The following METAP1 variants were observed in gnomAD, a reference collection of about 807,000 sequenced individuals.
METAP1 encodes methionyl aminopeptidase 1.
A neutral mutation model predicts 53.8 loss-of-function variants in METAP1; 28 were observed. That is an observed-to-expected ratio of 0.52 (90% CI 0.39 to 0.71). The LOEUF (loss-of-function observed/expected upper bound fraction) is 0.71. METAP1 is among the 30% of genes least tolerant of loss of function. The probability of loss-of-function intolerance (pLI) is 0.00; values close to 1 mark genes in which losing one functional copy is unlikely to be tolerated. For synonymous variants in METAP1, 181 were observed against 165.7 expected, an observed-to-expected ratio of 1.09 and a Z score of -0.71; for missense variants, 389 against 479.8, an observed-to-expected ratio of 0.81 and a Z score of 1.77.
chr4:99,055,557 T>C (rs1727051914), intron 9 of METAP1, among the ~76,000 whole-genome samples: 1 of 152,226 alleles, frequency 6.6e-6, no homozygotes, highest in South Asian at 2.1e-4. Flanking sequence ...TGCGATAGTA[T>C]AGTCACTCAG....
chr4:99,010,669 C>G (rs959738999), intron 1 of METAP1, among the ~76,000 whole-genome samples: 6 of 152,170 alleles, frequency 3.9e-5, no homozygotes, highest in African/African-American at 1.4e-4. Flanking sequence ...CTTGAGATTT[C>G]ATATGAATTT....
intron 9 of METAP1, among the ~76,000 whole-genome samples, chr4:99,053,443 G>A (rs928719195): frequency 6.6e-6 from 1 of 152,138 alleles, no homozygotes; most frequent in Non-Finnish European, 1.5e-5. Context: ...AGTAGAAATG[G>A]GATTTTACTG....
At chr4:99,008,802 CAAAAT>C (rs981248274) in intron 1 of METAP1, among the ~76,000 whole-genome samples, 15 of 152,198 alleles carry the variant, frequency 9.9e-5, no homozygotes, top group African/African-American at 2.6e-4. Flanking sequence ...TTTTATCTTT[CAAAAT>C]AAAATAGAAT....
chr4:99,055,132 T>G (rs192611728), intron 9 of METAP1, among the ~76,000 whole-genome samples: 109 of 151,972 alleles, frequency 7.2e-4, no homozygotes, highest in Non-Finnish European at 1.1e-3. Context: ...GGCTCATACC[T>G]GTAATTCCAG....
At chr4:99,004,496 C>T (rs1238122383) in intron 1 of METAP1, among the ~76,000 whole-genome samples, 1 of 134,358 alleles carries the variant, frequency 7.4e-6, no homozygotes, top group Non-Finnish European at 1.6e-5. Context: ...CACACACACA[C>T]ACACACACAC....
At chr4:99,018,773 G>A (rs1300786161) in intron 1 of METAP1, among the ~76,000 whole-genome samples, 1 of 152,166 alleles carries the variant, frequency 6.6e-6, no homozygotes, top group Non-Finnish European at 1.5e-5. Flanking sequence ...AGACATGCAA[G>A]GCTCTAAAAG....
intron 10 of METAP1, among the ~76,000 whole-genome samples, chr4:99,058,690 C>T (rs993333152): frequency 1.3e-5 from 2 of 152,142 alleles, no homozygotes; most frequent in Non-Finnish European, 2.9e-5. Flanking sequence ...GGAGTGACTT[C>T]TATATTGTCT....
chr4:99,038,838 C>T (rs958277255), intron 4 of METAP1, among the ~76,000 whole-genome samples: 13 of 152,018 alleles, frequency 8.6e-5, no homozygotes, highest in Admixed American at 2.6e-4. Flanking sequence ...CCGTATAATA[C>T]GAGTATAATA....
At chr4:99,016,804 T>C (rs776521904) in intron 1 of METAP1, among the ~76,000 whole-genome samples, 20 of 152,102 alleles carry the variant, frequency 1.3e-4, no homozygotes, top group Admixed American at 2.6e-4. Flanking sequence ...AGGGTGTAGA[T>C]CCCAGTACAT....
intron 1 of METAP1, among the ~76,000 whole-genome samples, chr4:99,018,023 A>G (rs62323257): frequency 0.022 from 3,345 of 152,380 alleles, 48 homozygotes; most frequent in Non-Finnish European, 0.035. Context: ...TATTTGGTCT[A>G]CTTCATCAGA....
At chr4:99,001,450 C>G (rs950127003) in intron 1 of METAP1, among the ~76,000 whole-genome samples, 1 of 152,120 alleles carries the variant, frequency 6.6e-6, no homozygotes, top group African/African-American at 2.4e-5. Flanking sequence ...GGTGTGTATT[C>G]TTAAGAACAT....
At chr4:99,022,869 T>C in intron 1 of METAP1, 1 of 1,539,462 alleles carries the variant, frequency 6.5e-7, no homozygotes, top group Non-Finnish European at 8.8e-7. Context: ...TGCTGCTGCC[T>C]TCTTTTTGCA....
chr4:99,052,527 T>C (rs1227213014), intron 9 of METAP1, among the ~76,000 whole-genome samples: 1 of 151,076 alleles, frequency 6.6e-6, no homozygotes, highest in African/African-American at 2.4e-5. Context: ...AGAGAGAGAG[T>C]GCATGGGAGG....
At chr4:99,041,211 G>A (rs1725840545) in intron 6 of METAP1, 85 bp downstream of exon 6, 1 of 935,428 alleles carries the variant, frequency 1.1e-6, no homozygotes, top group Admixed American at 2.4e-5. Flanking sequence ...TTTAAGTTCT[G>A]AGTGTCTAAG....
At chr4:99,023,990 A>G (rs1206571660) in intron 1 of METAP1, among the ~76,000 whole-genome samples, 4 of 152,190 alleles carry the variant, frequency 2.6e-5, no homozygotes, top group Non-Finnish European at 5.9e-5. Flanking sequence ...CTTATGCCCA[A>G]TTTCTGCCTC....
At chr4:98,999,321 T>A (rs1293378401) in intron 1 of METAP1, among the ~76,000 whole-genome samples, 1 of 151,926 alleles carries the variant, frequency 6.6e-6, no homozygotes, top group Non-Finnish European at 1.5e-5. Flanking sequence ...GCAAATAACC[T>A]CTCTTTTTCA....
At chr4:99,001,678 A>G (rs1722933752) in intron 1 of METAP1, among the ~76,000 whole-genome samples, 1 of 152,038 alleles carries the variant, frequency 6.6e-6, no homozygotes, top group African/African-American at 2.4e-5. Flanking sequence ...TTTCTTTTCA[A>G]TTTTTTACCT....
chr4:99,000,205 T>G (rs1299556650), intron 1 of METAP1, among the ~76,000 whole-genome samples: 1 of 152,246 alleles, frequency 6.6e-6, no homozygotes, highest in Non-Finnish European at 1.5e-5. Flanking sequence ...TTTCAGTTTT[T>G]TAGCTGATGT....
chr4:99,054,566 A>G (rs1476636889), intron 9 of METAP1, among the ~76,000 whole-genome samples: 4 of 152,184 alleles, frequency 2.6e-5, no homozygotes, highest in African/African-American at 9.6e-5. Context: ...AATTTCCTTC[A>G]AGAACTTTCC....
Sources: gnomAD v4.1 joint callset for allele counts (sites outside exome capture counted in the v4.1 genomes callset) on GRCh38, gnomAD v4.1.1 for gene constraint, MANE v1.5 for transcripts, NCBI Gene and HGNC (gene_info 2026-07-23, HGNC 2026-07-21) for gene names.